PXYLP1: variants seen among roughly 807,000 people sequenced by gnomAD.
PXYLP1 encodes acid phosphatase-like 2.
In PXYLP1, 17 loss-of-function variants were observed where a neutral mutation model predicts 37.9. The observed-to-expected ratio is 0.45, with a 90% CI of 0.31 to 0.67. The LOEUF is 0.67. PXYLP1 is among the 30% of genes least tolerant of loss of function. The pLI, the probability that PXYLP1 is intolerant of heterozygous loss-of-function variation, is 0.07. For synonymous variants in PXYLP1, 221 were observed against 232.2 expected (o/e 0.95, Z 0.44); for missense variants, 511 against 612.0 (o/e 0.84, Z 1.74).
Position 141,293,154 on chromosome 3 carries a change from G to T in PXYLP1, c.1392G>T (p.Leu464=), listed in dbSNP as rs754091553. ...RFVKRDMFVA[L]GGSGTNYYDA... is the part of the protein sequence containing the mutation. The stretch of plus-strand genomic sequence containing the variant: ...TGAAAAGGGACATGTTTGTAGCCCT[G>T]GGTGGCAGTGGTACAAATTATTATG... Residue 464 remains leucine (L), a synonymous_variant, in exon 6 of 6, where the codon CTG becomes CTT. Transcript: ENST00000286353. 5.6e-6 allele frequency: 9 copies of T among 1,613,974 alleles called. No homozygotes were observed. In the African/African-American group the frequency reaches 1.1e-4, roughly 19 times the overall value.
At chr3:141,289,890 T>C (rs771408756) in intron 5 of PXYLP1, among the ~76,000 whole-genome samples, 4 of 152,022 alleles carry the variant, frequency 2.6e-5, no homozygotes, top group Non-Finnish European at 5.9e-5. Context: ...GGCTGGGGGG[T>C]TGGCCCTCAC....
At chr3:141,273,552 G>A in intron 2 of PXYLP1, 1 of 985,494 alleles carries the variant, frequency 1.0e-6, no homozygotes, top group Non-Finnish European at 1.2e-6. Context: ...ATAGCATCTG[G>A]TTGTTTTACT....
intron 1 of PXYLP1, among the ~76,000 whole-genome samples, chr3:141,248,196 G>C (rs77805976): frequency 1.3e-5 from 2 of 151,524 alleles, no homozygotes; most frequent in Non-Finnish European, 2.9e-5. Context: ...GTAATTTTTT[G>C]TGTGTGTGGC....
intron 2 of PXYLP1, 27 bp downstream of exon 2, chr3:141,260,281 G>T (rs371605341): frequency 1.2e-6 from 2 of 1,609,418 alleles, no homozygotes; most frequent in African/African-American, 1.3e-5. Flanking sequence ...CCCGCAGGTC[G>T]TGGGAGGGTA....
At chr3:141,238,375 G>T (rs1469696903) in intron 1 of PXYLP1, among the ~76,000 whole-genome samples, 1 of 152,232 alleles carries the variant, frequency 6.6e-6, no homozygotes, top group Non-Finnish European at 1.5e-5. Flanking sequence ...CACGGAGCTG[G>T]CACGGCCTCC....
At chr3:141,234,759 G>C (rs954703635) in intron 1 of PXYLP1, 1 of 152,286 alleles carries the variant, frequency 6.6e-6, no homozygotes, top group African/African-American at 2.4e-5. Context: ...AACACCTCAT[G>C]TCCCCCTTTT....
intron 3 of PXYLP1, 59 bp from the exon 4 acceptor site, chr3:141,279,319 C>G: frequency 8.7e-6 from 14 of 1,602,158 alleles, no homozygotes; most frequent in Non-Finnish European, 1.1e-5. Flanking sequence ...CCTTGGCCCC[C>G]TTCTAAAAGG....
intron 1 of PXYLP1, among the ~76,000 whole-genome samples, chr3:141,248,478 G>T (rs1941018265): frequency 6.8e-6 from 1 of 147,644 alleles, no homozygotes; most frequent in East Asian, 2.0e-4. Context: ...GTGCAAAGGA[G>T]CAATATGTGT....
At chr3:141,285,820 T>TA (rs2148831744) in intron 4 of PXYLP1, among the ~76,000 whole-genome samples, 1 of 152,368 alleles carries the variant, frequency 6.6e-6, no homozygotes, top group Admixed American at 6.5e-5. Context: ...TTTATGTGCT[T>TA]TAGCCTCAGG....
chr3:141,255,405 AT>A (rs1941241934), intron 1 of PXYLP1, among the ~76,000 whole-genome samples: 1 of 152,206 alleles, frequency 6.6e-6, no homozygotes, highest in Non-Finnish European at 1.5e-5. Context: ...TGGGAATTGG[AT>A]TTGGTCATGA....
intron 1 of PXYLP1, among the ~76,000 whole-genome samples, chr3:141,252,468 G>A (rs959725769): frequency 6.6e-6 from 1 of 152,110 alleles, no homozygotes; most frequent in Non-Finnish European, 1.5e-5. Context: ...CGTATCACAC[G>A]GTGAGAGCGG....
chr3:141,274,970 C>T (rs1941758032), intron 2 of PXYLP1, among the ~76,000 whole-genome samples: 1 of 152,134 alleles, frequency 6.6e-6, no homozygotes, highest in Admixed American at 6.5e-5. Flanking sequence ...CAGCTCAGAA[C>T]AGTGAGAACC....
At position 141,292,058 on chromosome 3, in the gene PXYLP1, C is replaced by T. The variant is rs1559898796; in HGVS notation, c.506-210C>T. Among the ~76,000 whole-genome samples the T allele has an allele frequency of 1.3e-5, 2 of 152,224 alleles. No individual in the cohort carries two copies. The highest frequency in any genetic ancestry group is 2.1e-4 in the South Asian group (1 of 4,830). ...GCCGTGGTTCTCAAGGCCAGGGCCC[C>T]GCTCTGCTCATCCTTCATGAATAAC... On this transcript the variant is annotated intron_variant, in intron 5 of 5. Transcript: ENST00000286353. This position sits in a 1 kb window ranked among gnomAD's most constrained non-coding sequence, Gnocchi z 4.3.
At chr3:141,261,554 A>G (rs1447370984) in intron 2 of PXYLP1, among the ~76,000 whole-genome samples, 2 of 152,180 alleles carry the variant, frequency 1.3e-5, no homozygotes, top group African/African-American at 2.4e-5. Context: ...CAGTTTACCT[A>G]GAAGAAGAAG....
chr3:141,293,447 A>C lies in PXYLP1; in HGVS notation c.*242A>C. 1 of 518,352 alleles carries C rather than the reference A, an allele frequency of 1.9e-6. No individual in the cohort carries two copies. The highest frequency in any genetic ancestry group is 3.4e-6 in the Non-Finnish European group (1 of 295,038). 32.1% of individuals were successfully genotyped at this position (518,352 alleles called of 1,614,324 possible). A position where few individuals can be genotyped will look rare whatever the true frequency, so the allele number is the denominator to read the frequency against. ...ATAGAAGGTACTTTATCATAGCCAG[A>C]CTTCGCTTAGAATGCCAGAATAATA... On this transcript the variant is annotated 3_prime_UTR_variant, in exon 6 of 6. Coordinates refer to ENST00000286353, the MANE Select transcript of PXYLP1 (RefSeq NM_001037172.3).
chr3:141,272,238 T>C (rs1195377950), intron 2 of PXYLP1, among the ~76,000 whole-genome samples: 1 of 152,148 alleles, frequency 6.6e-6, no homozygotes, highest in African/African-American at 2.4e-5. Context: ...GTTATAACTT[T>C]ATCTGCTGCC....
intron 2 of PXYLP1, 45 bp downstream of exon 2, chr3:141,260,299 C>A: frequency 6.3e-7 from 1 of 1,597,402 alleles, no homozygotes. Flanking sequence ...GTAGGGGCTT[C>A]ATAGGAAACA....
chr3:141,242,917 A>G (rs899351226), intron 1 of PXYLP1, among the ~76,000 whole-genome samples: 8 of 152,234 alleles, frequency 5.3e-5, no homozygotes, highest in Admixed American at 3.9e-4. Context: ...AGCTTCTATA[A>G]CTATCCTTGG....
At position 141,278,361 on chromosome 3, in the gene PXYLP1, G is replaced by A. The variant is rs754474855; in HGVS notation, c.99G>A (p.Ser33=). 1.7e-5 allele frequency: 28 copies of A among 1,613,982 alleles called. No individual in the cohort carries two copies. Among genetic ancestry groups the A allele is most frequent in the African/African-American group, 1.2e-4 (9 of 74,886 alleles). Reference sequence around the variant, plus strand: ...TTTCAGTCCACCTGATCCCGGTGTCGACTCCTAAGAATGGAATGAGTAGCA... The same window carrying A: ...TTTCAGTCCACCTGATCCCGGTGTCAACTCCTAAGAATGGAATGAGTAGCA... ...SLQFFHLIPV[S]TPKNGMSSKS... Residue 33 remains serine (S), a synonymous_variant, in exon 3 of 6, where the codon TCG becomes TCA. Coordinates refer to ENST00000286353, the MANE Select transcript of PXYLP1 (RefSeq NM_001037172.3).
Sources: allele counts gnomAD v4.1 joint callset (sites outside exome capture counted in the v4.1 genomes callset), GRCh38; gene constraint gnomAD v4.1.1; non-coding constraint Gnocchi (gnomAD v3.1); transcripts MANE v1.5; gene names NCBI Gene and HGNC (gene_info 2026-07-23, HGNC 2026-07-21).